HJURP: variants seen among roughly 807,000 people sequenced by gnomAD.
The protein encoded by HJURP is 14-3-3-associated AKT substrate.
A neutral mutation model predicts 72.0 loss-of-function variants in HJURP; 49 were observed. The observed-to-expected ratio is 0.68, with a 90% CI of 0.54 to 0.86. The LOEUF (loss-of-function observed/expected upper bound fraction) is 0.86, where lower values mean the gene tolerates loss of function less well. HJURP is among the 40% of genes least tolerant of loss of function. The probability of loss-of-function intolerance (pLI) is 0.00; values close to 1 mark genes in which losing one functional copy is unlikely to be tolerated. For missense variants in HJURP, 908 were observed against 936.3 expected, an observed-to-expected ratio of 0.97 and a Z score of 0.39; for synonymous variants, 357 against 347.1, an observed-to-expected ratio of 1.03 and a Z score of -0.32.
In HJURP at chr2:233,849,765, G is replaced by A. The variant is rs376077557; in HGVS notation, c.335C>T (p.Ala112Val). Reference protein sequence around the residue: ...ELPSHRTVLGADSKSGEVDAT... With the variant: ...ELPSHRTVLGVDSKSGEVDAT... Reference sequence around the variant, plus strand: ...TCTCTGACGAAGGCAACACTCACCGGCTCCCAGGACTGTGCGGTGCGAGGG... The same window carrying A: ...TCTCTGACGAAGGCAACACTCACCGACTCCCAGGACTGTGCGGTGCGAGGG... Residue 112 changes from alanine to valine, a missense_variant and splice_region_variant, in exon 4 of 9, where the codon GCC becomes GTC. Around this residue, in one of 3 missense-constraint regions of HJURP, gnomAD observed 299 missense variants for 286.7 expected, o/e 1.04. Coordinates refer to ENST00000411486, the MANE Select transcript of HJURP (RefSeq NM_018410.5). 2.6e-6 allele frequency: 4 copies of A among 1,549,462 alleles called. No homozygotes were observed. The African/African-American group carries it at 5.5e-5, about 21-fold the overall frequency.
intron 3 of HJURP, among the ~76,000 whole-genome samples, chr2:233,851,661 G>C (rs1205325100): frequency 6.6e-6 from 1 of 151,936 alleles, no homozygotes; most frequent in Non-Finnish European, 1.5e-5. Flanking sequence ...AAGTGAGGGA[G>C]AAAAAAATGC....
intron 3 of HJURP, among the ~76,000 whole-genome samples, chr2:233,852,245 G>A (rs571943142): frequency 3.3e-5 from 5 of 152,252 alleles, no homozygotes; most frequent in Admixed American, 2.6e-4. Flanking sequence ...TGAGTGCCTC[G>A]CTGGGCTGGC....
intron 8 of HJURP, among the ~76,000 whole-genome samples, chr2:233,838,610 A>G (rs1002447876): frequency 1.6e-4 from 24 of 152,070 alleles, no homozygotes; most frequent in Admixed American, 4.6e-4. Flanking sequence ...TTAGGTTTAG[A>G]CAAGCAGGAC....
rs1705221483 is a variant in HJURP at position 233,841,327 on chromosome 2, G to A, written c.1453C>T (p.Leu485=). 1.2e-6 allele frequency: 2 copies of A among 1,614,164 alleles called. No homozygotes were observed. The highest frequency in any genetic ancestry group is 1.6e-4 in the Middle Eastern group (1 of 6,062). ...GGLQGLETRR[L]SLPSSKAKAK... is the part of the protein sequence containing the mutation. ...TTTGCTTTGCTGGAAGGTAAACTCA[G>A]CCTGCGGGTTTCTAAGCCCTGAAGG... Residue 485 remains leucine, a synonymous_variant, in exon 8 of 9, where the codon CTG becomes TTG. Coordinates refer to ENST00000411486, the MANE Select transcript of HJURP (RefSeq NM_018410.5).
chr2:233,848,101 A>G (rs969808585), intron 4 of HJURP, among the ~76,000 whole-genome samples: 1 of 152,172 alleles, frequency 6.6e-6, no homozygotes, highest in African/African-American at 2.4e-5. Context: ...AAAGACCACC[A>G]GCTTCCCTTT....
At chr2:233,845,326 A>T (rs1433963822) in intron 6 of HJURP, among the ~76,000 whole-genome samples, 2 of 151,978 alleles carry the variant, frequency 1.3e-5, no homozygotes. Context: ...TAATTTTTCT[A>T]TTTTTAGTAG....
At chr2:233,851,631 G>C (rs1705498683) in intron 3 of HJURP, among the ~76,000 whole-genome samples, 1 of 152,030 alleles carries the variant, frequency 6.6e-6, no homozygotes, top group Admixed American at 6.6e-5. Context: ...AGAAGAGTTT[G>C]CCAGATGTAT....
intron 4 of HJURP, 30 bp from the exon 5 acceptor site, chr2:233,847,491 G>C: frequency 6.3e-7 from 1 of 1,590,746 alleles, no homozygotes; most frequent in Non-Finnish European, 8.6e-7. Flanking sequence ...ATCTCAATCA[G>C]GATTTTCAGG....
intron 1 of HJURP, 39 bp downstream of exon 1, chr2:233,854,345 C>A: frequency 6.8e-7 from 1 of 1,459,914 alleles, no homozygotes; most frequent in Non-Finnish European, 9.5e-7. Flanking sequence ...CACTCCGACA[C>A]GCAGGCCTCC....
At position 233,837,387 on chromosome 2, in the gene HJURP, T is replaced by C. The variant is rs566867995; in HGVS notation, c.*190A>G. 396 of 438,822 alleles carry C rather than the reference T, an allele frequency of 9.0e-4. No individual in the cohort carries two copies. Among genetic ancestry groups the C allele is most frequent in the Non-Finnish European group, 1.3e-3 (332 of 246,990 alleles). 27.2% of individuals were successfully genotyped at this position (438,822 alleles called of 1,614,324 possible). ...TCAAAGAGAACCCTAAAAATTCTAA[T>C]TGAGCAACTTTATTCACATAATTTC... On this transcript the variant is annotated 3_prime_UTR_variant, in exon 9 of 9. Transcript: ENST00000411486.
intron 2 of HJURP, among the ~76,000 whole-genome samples, chr2:233,853,275 A>C (rs1404070718): frequency 1.3e-5 from 2 of 152,240 alleles, no homozygotes; most frequent in Admixed American, 6.5e-5. Flanking sequence ...CAGCCAGTGC[A>C]AAGTGTCACC....
Position 233,844,225 on chromosome 2 carries a change from GAGGCCAGTGA to G in HJURP, c.544_553del (p.Ser182HisfsTer43). 6.2e-7 allele frequency: 1 copy of G among 1,614,138 alleles called. No individual in the cohort carries two copies. Among genetic ancestry groups the G allele is most frequent in the South Asian group, 1.1e-5 (1 of 91,074 alleles). On this transcript the variant is annotated frameshift_variant, in exon 7 of 9. Transcript: ENST00000411486. LOFTEE classifies it high-confidence loss of function. ...CTCACCGGGGGCAGGCACGGCAGGTGAGGCCAGTGAAGGCAGCGGAGTCACACGTACATCC... is the reference window on the plus strand; with the variant it reads ...CTCACCGGGGGCAGGCACGGCAGGTGAGGCAGCGGAGTCACACGTACATCC...
chr2:233,838,639 C>G (rs1705141040), intron 8 of HJURP, among the ~76,000 whole-genome samples: 1 of 152,136 alleles, frequency 6.6e-6, no homozygotes, highest in East Asian at 1.9e-4. Flanking sequence ...CAGAGGAGCT[C>G]TGATGTGTGG....
At position 233,840,672 on chromosome 2, in the gene HJURP, C is replaced by G. The variant is rs757660508; in HGVS notation, c.2108G>C (p.Gly703Ala). The G allele has an allele frequency of 3.7e-6, 6 of 1,613,666 alleles. No homozygotes were observed. Among genetic ancestry groups the G allele is most frequent in the Non-Finnish European group, 5.1e-6 (6 of 1,179,906 alleles). The stretch of plus-strand genomic sequence containing the variant: ...TCCCGGTCTGACGGTGTTGTCCACC[C>G]CATCTGAGGCACCCAGGGAATTGCC... ...RQGNSLGASD[G>A]VDNTVRPGDQ... Residue 703 changes from glycine to alanine, a missense_variant, in exon 8 of 9, where the codon GGG becomes GCG. Gly to Ala is a moderately conservative substitution (Grantham distance 60). This residue lies in a region of HJURP where 598 missense variants were observed against 619.5 expected (regional missense o/e 0.97). Coordinates refer to ENST00000411486, the MANE Select transcript of HJURP (RefSeq NM_018410.5).
At chr2:233,851,394 C>T (rs557960364) in intron 3 of HJURP, among the ~76,000 whole-genome samples, 1 of 152,134 alleles carries the variant, frequency 6.6e-6, no homozygotes, top group Non-Finnish European at 1.5e-5. Context: ...TTATTTTCGG[C>T]CACTTTCCTC....
intron 7 of HJURP, among the ~76,000 whole-genome samples, chr2:233,843,235 C>A (rs28900706): frequency 1.3e-5 from 2 of 152,112 alleles, no homozygotes; most frequent in African/African-American, 4.8e-5. Flanking sequence ...GCGGGGACCT[C>A]CACCCAGGCG....
At position 233,840,866 on chromosome 2, in the gene HJURP, C is replaced by T. The variant is rs780903306; in HGVS notation, c.1914G>A (p.Lys638=). ...NPDPHFQGFQ[K]LPSSPLGCRK... ...TGCACCCCAGGGGTGATGATGGCAA[C>T]TTCTGGAAACCCTGGAAGTGAGGGT... is the stretch of plus-strand genomic sequence containing the variant. The change falls in exon 8 of 9, where the codon AAG becomes AAA. Residue 638 remains lysine, a synonymous_variant. Transcript: ENST00000411486. 1.9e-6 allele frequency: 3 copies of T among 1,614,014 alleles called. No individual in the cohort carries two copies. The highest frequency in any genetic ancestry group is 2.7e-5 in the African/African-American group (2 of 74,902).
intron 7 of HJURP, among the ~76,000 whole-genome samples, chr2:233,843,775 T>C (rs1705288956): frequency 6.6e-6 from 1 of 152,188 alleles, no homozygotes; most frequent in Admixed American, 6.5e-5. Flanking sequence ...AAGCGTACTG[T>C]AGTCATAAAG....
chr2:233,845,933 C>T, intron 5 of HJURP, 113 bp from the exon 6 acceptor site: 1 of 674,064 alleles, frequency 1.5e-6, no homozygotes, highest in Non-Finnish European at 2.6e-6. Flanking sequence ...CATGATCCTA[C>T]TCAAAGTCAC....
Sources: gnomAD v4.1 joint callset for allele counts (sites outside exome capture counted in the v4.1 genomes callset) on GRCh38, gnomAD v4.1.1 for gene constraint, gnomAD v4.1.1 regional missense constraint, MANE v1.5 for transcripts, NCBI Gene and HGNC (gene_info 2026-07-23, HGNC 2026-07-21) for gene names.